The following PCDHGB1 variants were observed in gnomAD, a reference collection of about 807,000 sequenced individuals.
PCDHGB1 encodes the protein protocadherin gamma subfamily B, 1.
Under a neutral mutation model 56.6 loss-of-function variants are expected in PCDHGB1, and 34 were observed. The ratio of observed to expected loss-of-function variants is 0.60; its 90% CI spans 0.46 to 0.80. The LOEUF (loss-of-function observed/expected upper bound fraction) is 0.80, where lower values mean the gene tolerates loss of function less well. Ranked by LOEUF, PCDHGB1 falls within the 30% of genes least tolerant of loss-of-function variation. The probability of loss-of-function intolerance (pLI) is 0.00; values close to 1 mark genes in which losing one functional copy is unlikely to be tolerated. For synonymous variants in PCDHGB1, 561 were observed against 505.9 expected (o/e 1.11, Z -1.46); for missense variants, 1,278 against 1,204.6 (o/e 1.06, Z -0.90).
At chr5:141,506,787 G>A (rs55775963) in intron 3 of PCDHGB1, among the ~76,000 whole-genome samples, 1,925 of 152,270 alleles carry the variant, frequency 0.013, 43 homozygotes, top group African/African-American at 0.044. Flanking sequence ...CTTATAAGGA[G>A]GCTGGCAGAG....
chr5:141,365,441 G>A (rs749640886), intron 1 of PCDHGB1: 7 of 1,613,952 alleles, frequency 4.3e-6, no homozygotes, highest in East Asian at 2.2e-5. Flanking sequence ...GCTGTTTAGC[G>A]TACATGATGG....
intron 1 of PCDHGB1, chr5:141,375,942 G>A (rs1772069544): frequency 1.2e-6 from 2 of 1,613,400 alleles, no homozygotes; most frequent in African/African-American, 2.7e-5. Flanking sequence ...TTCTCAGTGG[G>A]CCTGCACACG....
rs183338714 is a variant in PCDHGB1, at chr5:141,373,869, G to A, written c.2409+21200G>A. On this transcript the variant is annotated intron_variant, in intron 1 of 3. Coordinates refer to ENST00000523390, the MANE Select transcript of PCDHGB1 (RefSeq NM_018922.3). ...TAAGCGTCGCTGTTGACCAACCTGG[G>A]CAAGAAAATCAACGGAAACTCAAGT... The A allele has an allele frequency of 4.3e-3, 2,030 of 471,178 alleles. 12 individuals carry two copies. Among genetic ancestry groups the A allele is most frequent in the Admixed American group, 0.01 (264 of 25,860 alleles). The allele number at this position is 471,178 out of a possible 1,614,324, so 29.2% of individuals were successfully genotyped here. A position where few individuals can be genotyped will look rare whatever the true frequency, so the allele number is the denominator to read the frequency against.
chr5:141,366,393 A>T, intron 1 of PCDHGB1: 3 of 1,614,122 alleles, frequency 1.9e-6, no homozygotes, highest in Non-Finnish European at 8.5e-7. Flanking sequence ...GAGGATCTGG[A>T]CCTCACACTC....
chr5:141,475,990 A>T, intron 1 of PCDHGB1: 1 of 1,140,672 alleles, frequency 8.8e-7, no homozygotes, highest in Non-Finnish European at 1.2e-6. Context: ...CGGCGAGCAA[A>T]TCAACGGCAT....
intron 1 of PCDHGB1, chr5:141,404,402 A>T: frequency 6.2e-7 from 1 of 1,613,850 alleles, no homozygotes; most frequent in Non-Finnish European, 8.5e-7. Context: ...TAGCAATGAG[A>T]ATTCTAGAGT....
chr5:141,474,557 G>A (rs1261720500), intron 1 of PCDHGB1, among the ~76,000 whole-genome samples: 1 of 152,184 alleles, frequency 6.6e-6, no homozygotes, highest in African/African-American at 2.4e-5. Context: ...AAAACTGGGG[G>A]TTTTCAGAGA....
chr5:141,394,458 A>T, intron 1 of PCDHGB1: 1 of 1,614,218 alleles, frequency 6.2e-7, no homozygotes, highest in Non-Finnish European at 8.5e-7. Context: ...CATGTCACTG[A>T]GCCTGTTCGT....
rs779193571 is a variant in PCDHGB1, at chr5:141,362,099, C to G, written c.2409+9430C>G. 1.4e-5 allele frequency: 23 copies of G among 1,613,768 alleles called. No individual in the cohort carries two copies. The African/African-American group carries it at 2.9e-4, about 21-fold the overall frequency. ...CGTGATGGAGGACAGCCGCCACTCT[C>G]CGCTACGGCCACGCTGCACCTAATC... On this transcript the variant is annotated intron_variant, in intron 1 of 3. Coordinates refer to ENST00000523390, the MANE Select transcript of PCDHGB1 (RefSeq NM_018922.3).
intron 1 of PCDHGB1, among the ~76,000 whole-genome samples, chr5:141,483,993 G>T (rs1307708919): frequency 6.8e-6 from 1 of 147,882 alleles, no homozygotes; most frequent in Non-Finnish European, 1.5e-5. Flanking sequence ...AGGTTGCTGG[G>T]AGGTCTGGAT....
At chr5:141,414,316 G>T (rs2095734692) in intron 1 of PCDHGB1, 1 of 1,613,682 alleles carries the variant, frequency 6.2e-7, no homozygotes, top group Admixed American at 1.7e-5. Flanking sequence ...TTTAGACTCT[G>T]AGCAGAATGG....
chr5:141,403,666 T>C (rs2094439937), intron 1 of PCDHGB1: 1 of 1,613,926 alleles, frequency 6.2e-7, no homozygotes, highest in Non-Finnish European at 8.5e-7. Context: ...CAAATGATAA[T>C]GCCCCGGTTT....
chr5:141,495,032 G>T, intron 2 of PCDHGB1, 167 bp downstream of exon 2: 1 of 967,732 alleles, frequency 1.0e-6, no homozygotes, highest in Non-Finnish European at 1.2e-6. Flanking sequence ...GACCCCGGAA[G>T]GAAGAGGCGA....
At chr5:141,413,374 G>A (rs528233301) in intron 1 of PCDHGB1, 1 of 1,613,946 alleles carries the variant, frequency 6.2e-7, no homozygotes, top group East Asian at 2.2e-5. Context: ...GGCGGAGCGC[G>A]GAGTCCGCAT....
chr5:141,388,477 C>A (rs371333912), intron 1 of PCDHGB1: 34 of 1,613,702 alleles, frequency 2.1e-5, no homozygotes, highest in Non-Finnish European at 2.9e-5. Flanking sequence ...GTATTGAAGA[C>A]ACCTTTGGAC....
At chr5:141,492,197 TA>T (rs2099738125) in intron 1 of PCDHGB1, among the ~76,000 whole-genome samples, 1 of 152,200 alleles carries the variant, frequency 6.6e-6, no homozygotes, top group African/African-American at 2.4e-5. Flanking sequence ...CTGCGGGACT[TA>T]GGTGTGCGCG....
intron 1 of PCDHGB1, among the ~76,000 whole-genome samples, chr5:141,470,845 G>T (rs1381257094): frequency 1.3e-5 from 2 of 151,972 alleles, no homozygotes; most frequent in African/African-American, 4.8e-5. Flanking sequence ...ACGCCACCAT[G>T]CTCAGATAAG....
At chr5:141,469,415 A>C (rs2099200751) in intron 1 of PCDHGB1, among the ~76,000 whole-genome samples, 1 of 152,116 alleles carries the variant, frequency 6.6e-6, no homozygotes, top group Admixed American at 6.5e-5. Flanking sequence ...TTTCTACTAA[A>C]AATATAAAAC....
Position 141,364,330 on chromosome 5 carries a change from A to C in PCDHGB1, c.2409+11661A>C, listed in dbSNP as rs765774882. The C allele has an allele frequency of 8.9e-5, 137 of 1,531,760 alleles. 1 individual carries two copies. The highest frequency in any genetic ancestry group is 7.0e-6 in the Non-Finnish European group (8 of 1,143,452). The allele number at this position is 1,531,760 out of a possible 1,614,324, so 94.9% of individuals were successfully genotyped here. On this transcript the variant is annotated intron_variant, in intron 1 of 3. Transcript: ENST00000523390. ...AGAGAAAATTGGGCAGAGAGAAGGC[A>C]ATGGCGAGTCCACCTAGGGGCTGGG...
Sources: gnomAD v4.1 joint callset for allele counts (sites outside exome capture counted in the v4.1 genomes callset) on GRCh38, gnomAD v4.1.1 for gene constraint, MANE v1.5 for transcripts, NCBI Gene and HGNC (gene_info 2026-07-23, HGNC 2026-07-21) for gene names.